RP1L1: variants seen among roughly 807,000 people sequenced by gnomAD.
The protein encoded by RP1L1 is RP1 like 1.
RP1L1 carries 27 observed loss-of-function variants against 15.7 expected under a neutral mutation model. The ratio of observed to expected loss-of-function variants is 1.72; its 90% confidence interval spans 1.27 to 2.38. RP1L1 has a LOEUF of 2.38. Among genes scored for constraint, RP1L1 ranks in the 30% most tolerant of loss-of-function variants. The pLI is 0.00. For synonymous variants in RP1L1, 1,813 were observed against 1,276.7 expected (o/e 1.42, Z -8.96); for missense variants, 4,798 against 3,075.9 (o/e 1.56, Z -13.24).
rs1563122670 is a variant in RP1L1 at position 10,610,137 on chromosome 8, G to GCACCCCCTCTTCTTGCAGCCCTTCTTC, written c.3960_3961insGAAGAAGGGCTGCAAGAAGAGGGGGTG (p.Val1320_Gln1321insGluGluGlyLeuGlnGluGluGlyVal). 7.0e-7 allele frequency: 1 copy of GCACCCCCTCTTCTTGCAGCCCTTCTTC among 1,432,080 alleles called. No homozygotes were observed. 88.7% of individuals were successfully genotyped at this position (1,432,080 alleles called of 1,614,324 possible). A position where few individuals can be genotyped will look rare whatever the true frequency, so the allele number is the denominator to read the frequency against. The stretch of plus-strand genomic sequence containing the variant: ...TCTTCTGTTTTAGTTTCCTCTAACT[G>GCACCCCCTCTTCTTGCAGCCCTTCTTC]CACCGCCTCTTCTTGCAGCCCTTCT... On this transcript the variant is annotated inframe_insertion, in exon 4 of 4. Transcript: ENST00000382483.
intron 1 of RP1L1, among the ~76,000 whole-genome samples, chr8:10,638,082 T>C (rs1466336850): frequency 6.6e-6 from 1 of 152,260 alleles, no homozygotes; most frequent in Non-Finnish European, 1.5e-5. Flanking sequence ...CCTCAGTTCA[T>C]GGTGGGAACA....
At position 10,622,773 on chromosome 8, in the gene RP1L1, G is replaced by A. The variant is rs377067278; in HGVS notation, c.429C>T (p.Ser143=). 1 of 1,614,018 alleles carries A rather than the reference G, an allele frequency of 6.2e-7. No homozygotes were observed. The highest frequency in any genetic ancestry group is 8.5e-7 in the Non-Finnish European group (1 of 1,179,966). The change falls in exon 2 of 4, where the codon TCC becomes TCT. Residue 143 remains serine, a synonymous_variant. Transcript: ENST00000382483. ...GGGGGGTTTTAAGACTCTTCCGGGA[G>A]GAGGAGGTGCCTGGGGCTTCACGCT... The part of the protein sequence containing the change: ...EGQREAPGTS[S]SRKSLKTPRR...
intron 1 of RP1L1, among the ~76,000 whole-genome samples, chr8:10,641,356 T>A (rs1798404128): frequency 6.6e-6 from 1 of 152,226 alleles, no homozygotes; most frequent in South Asian, 2.1e-4. Context: ...CTGGGGGTTC[T>A]CTGGACTGAC....
intron 1 of RP1L1, among the ~76,000 whole-genome samples, chr8:10,649,687 T>A (rs1343673849): frequency 6.6e-6 from 1 of 152,204 alleles, no homozygotes; most frequent in East Asian, 1.9e-4. Flanking sequence ...GAGACCAGCC[T>A]GGACAACATG....
chr8:10,606,797 G>A lies in RP1L1; in HGVS notation c.*98C>T, dbSNP rs12542104. 0.42 allele frequency: 656,748 copies of A among 1,582,082 alleles called. 140,480 individuals are homozygous for A. The highest frequency in any genetic ancestry group is 0.59 in the Admixed American group (33,790 of 57,038). ...CCTTGGTCTTTGTCCATGTACTATG[G>A]ACATCTCCAGTGGACTGAACGTTGC... On this transcript the variant is annotated 3_prime_UTR_variant, in exon 4 of 4. Transcript: ENST00000382483.
In RP1L1 at chr8:10,616,571, G is replaced by T. The variant is rs1458491829; in HGVS notation, c.626C>A (p.Ala209Asp). 4 of 1,612,848 alleles carry T rather than the reference G, an allele frequency of 2.5e-6. No individual in the cohort carries two copies. The highest frequency in any genetic ancestry group is 2.5e-6 in the Non-Finnish European group (3 of 1,179,868). ...TSGKKVDSLQ[A>D]LLHSPSVLVC... is the part of the protein sequence containing the mutation. ...CAGCACAGAGGGGCTGTGCAGCAGG[G>T]CCTGCAGCGAGTCCACCTGAGGGAG... is the stretch of plus-strand genomic sequence containing the variant. The change falls in exon 3 of 4, where the codon GCC becomes GAC. Residue 209 changes from alanine (A) to aspartate (D), a missense_variant. Coordinates refer to ENST00000382483, the MANE Select transcript of RP1L1 (RefSeq NM_178857.6).
At chr8:10,654,080 C>A (rs1178541474) in intron 1 of RP1L1, among the ~76,000 whole-genome samples, 2 of 152,178 alleles carry the variant, frequency 1.3e-5, no homozygotes, top group Non-Finnish European at 2.9e-5. Flanking sequence ...TGCAGCCGCG[C>A]TGGACCTCGT....
chr8:10,645,064 T>C (rs1586001385), intron 1 of RP1L1, among the ~76,000 whole-genome samples: 1 of 152,362 alleles, frequency 6.6e-6, no homozygotes. Flanking sequence ...TGGTGGCTCA[T>C]GCCTGTAATT....
At chr8:10,630,734 G>A (rs559081569) in intron 1 of RP1L1, among the ~76,000 whole-genome samples, 17 of 152,230 alleles carry the variant, frequency 1.1e-4, no homozygotes, top group Non-Finnish European at 8.8e-5. Context: ...CTTGCACAAA[G>A]AAGTGAATTT....
chr8:10,632,653 C>A (rs1271019155), intron 1 of RP1L1, among the ~76,000 whole-genome samples: 3 of 152,208 alleles, frequency 2.0e-5, no homozygotes, highest in African/African-American at 7.2e-5. Context: ...GACTTTGGCT[C>A]CCCAGTGGGC....
In RP1L1 at chr8:10,608,334, C is replaced by A. The variant is rs760292343; in HGVS notation, c.5764G>T (p.Val1922Leu). Residue 1922 changes from valine (V) to leucine (L), a missense_variant, in exon 4 of 4, where the codon GTA (valine) becomes TTA (leucine). By Grantham distance (32) the Val-to-Leu change is conservative (BLOSUM62 1). Coordinates refer to ENST00000382483, the MANE Select transcript of RP1L1 (RefSeq NM_178857.6). ...TCCCCTTCAGTCTCCAGGGCCTCTACACTTTCTGTCTCTGGCTGGGCCTCC... is the reference window on the plus strand; with the variant it reads ...TCCCCTTCAGTCTCCAGGGCCTCTAAACTTTCTGTCTCTGGCTGGGCCTCC... ...EKEAQPETESVEALETEGEDE... is the reference protein window; with the variant it reads ...EKEAQPETESLEALETEGEDE... 27 of 1,612,652 alleles carry A rather than the reference C, an allele frequency of 1.7e-5. No homozygotes were observed. The highest frequency in any genetic ancestry group is 2.2e-5 in the Non-Finnish European group (26 of 1,179,746).
In RP1L1 at chr8:10,606,907, G is replaced by GT; in HGVS notation, c.7190dup (p.Asp2397GlufsTer114). The GT allele has an allele frequency of 6.2e-7, 1 of 1,614,214 alleles. No homozygotes were observed. The highest frequency in any genetic ancestry group is 8.5e-7 in the Non-Finnish European group (1 of 1,180,042). On this transcript the variant is annotated frameshift_variant, in exon 4 of 4. Transcript: ENST00000382483. LOFTEE classifies it high-confidence loss of function. The stretch of plus-strand genomic sequence containing the variant: ...AGCTTGATCTTGTCTAGAAATCTAA[G>GT]TCATCTTGGCCAAAGCCGTCTGCCC...
chr8:10,623,045 C>A lies in RP1L1; in HGVS notation c.157G>T (p.Val53Phe), dbSNP rs192698867. The part of the protein sequence containing the change: ...DPRFAGVRLA[V>F]HQRAFKTFSA... ...AAGGTCTTAAAGGCGCGCTGGTGAA[C>A]GGCCAGGCGGACCCCAGCAAACCGT... Residue 53 changes from valine (V) to phenylalanine (F), a missense_variant, in exon 2 of 4, where the codon GTT becomes TTT. Coordinates refer to ENST00000382483, the MANE Select transcript of RP1L1 (RefSeq NM_178857.6). 1 of 1,614,122 alleles carries A rather than the reference C, an allele frequency of 6.2e-7. No individual in the cohort carries two copies. Among genetic ancestry groups the A allele is most frequent in the Non-Finnish European group, 8.5e-7 (1 of 1,180,022 alleles).
intron 2 of RP1L1, among the ~76,000 whole-genome samples, chr8:10,619,530 G>A (rs559105277): frequency 6.6e-6 from 1 of 152,284 alleles, no homozygotes; most frequent in African/African-American, 2.4e-5. Context: ...GTTGGTTTGT[G>A]ACATTCTGGG....
At position 10,607,493 on chromosome 8, in the gene RP1L1, T is replaced by C; in HGVS notation, c.6605A>G (p.Glu2202Gly). 1.9e-6 allele frequency: 3 copies of C among 1,609,676 alleles called. No homozygotes were observed. The highest frequency in any genetic ancestry group is 2.5e-6 in the Non-Finnish European group (3 of 1,177,042). The change falls in exon 4 of 4, where the codon GAA becomes GGA. Residue 2202 changes from glutamate (E) to glycine (G), a missense_variant. Coordinates refer to ENST00000382483, the MANE Select transcript of RP1L1 (RefSeq NM_178857.6). The stretch of plus-strand genomic sequence containing the variant: ...TTCTAACTCTGGTTGGGCCTCCCCT[T>C]CTGCCTCTGGGGCCTCTATACCTTC... ...ESEGIEAPEA[E>G]GEAQPELEGV...
chr8:10,631,186 C>G (rs1798235522), intron 1 of RP1L1, among the ~76,000 whole-genome samples: 1 of 146,720 alleles, frequency 6.8e-6, no homozygotes, highest in Non-Finnish European at 1.5e-5. Flanking sequence ...GTTGTCATGG[C>G]AACAGCACCT....
chr8:10,606,704 G>A lies in RP1L1; in HGVS notation c.*191C>T, dbSNP rs1797707312. On this transcript the variant is annotated 3_prime_UTR_variant, in exon 4 of 4. Transcript: ENST00000382483. ...CACACTGCGTGTGGGACGGGCCGCA[G>A]AGCTCTCTGACACTTCTGGACTTAA... is the stretch of plus-strand genomic sequence containing the variant. The A allele has an allele frequency of 1.1e-6, 1 of 942,482 alleles. No individual in the cohort carries two copies. The highest frequency in any genetic ancestry group is 2.8e-5 in the Admixed American group (1 of 35,770). The allele number at this position is 942,482 out of a possible 1,614,324, so 58.4% of individuals were successfully genotyped here.
intron 2 of RP1L1, chr8:10,621,167 A>G (rs11776423): frequency 0.028 from 4,211 of 153,048 alleles, 66 homozygotes; most frequent in Middle Eastern, 0.065. Flanking sequence ...AGACGATATC[A>G]AGGTGAGGTT....
intron 1 of RP1L1, among the ~76,000 whole-genome samples, chr8:10,640,546 A>G (rs6984307): frequency 0.99 from 150,737 of 151,864 alleles, 74,819 homozygotes; most frequent in East Asian, 1. Flanking sequence ...TCAGTTGCTC[A>G]GGAGGCTGAA....
Sources: gnomAD v4.1 joint callset for allele counts (sites outside exome capture counted in the v4.1 genomes callset) on GRCh38, gnomAD v4.1.1 for gene constraint, MANE v1.5 for transcripts, NCBI Gene and HGNC (gene_info 2026-07-23, HGNC 2026-07-21) for gene names.